CYP46A1: variants seen among roughly 807,000 people sequenced by gnomAD.
The protein encoded by CYP46A1 is cholesterol 24-hydroxylase.
CYP46A1 carries 20 observed loss-of-function variants against 63.3 expected under a neutral mutation model. The observed-to-expected ratio is 0.32, with a 90% CI of 0.22 to 0.46. The LOEUF is 0.46. CYP46A1 is among the 20% of genes least tolerant of loss of function. The pLI is 1.00. For missense variants in CYP46A1, 445 were observed against 670.8 expected (o/e 0.66, Z 3.72); for synonymous variants, 268 against 273.6 (o/e 0.98, Z 0.20).
At position 99,706,690 on chromosome 14, in the gene CYP46A1, C is replaced by A; in HGVS notation, c.487C>A (p.Gln163Lys). 5 of 1,613,980 alleles carry A rather than the reference C, an allele frequency of 3.1e-6. No individual in the cohort carries two copies. The highest frequency in any genetic ancestry group is 4.2e-6 in the Non-Finnish European group (5 of 1,180,022). Residue 163 changes from glutamine (Q) to lysine (K), a missense_variant, in exon 6 of 15, where the codon CAG becomes AAG. Physicochemically the swap from Gln to Lys is moderately conservative, Grantham distance 53. Transcript: ENST00000261835. ...LMETFNEKAE[Q>K]LVEILEAKAD... ...GGAAACATTCAACGAGAAGGCTGAG[C>A]AGCTGGTGGAGATTCTAGAAGCCAA...
intron 14 of CYP46A1, 85 bp downstream of exon 14, chr14:99,726,341 C>G: frequency 8.1e-7 from 1 of 1,229,162 alleles, no homozygotes; most frequent in Admixed American, 2.0e-5. Flanking sequence ...CTCCGAACCC[C>G]TGCTCTGGGG....
chr14:99,725,363 CA>C lies in CYP46A1; in HGVS notation c.1177-27del. On this transcript the variant is annotated intron_variant, in intron 12 of 14. Coordinates refer to ENST00000261835, the MANE Select transcript of CYP46A1 (RefSeq NM_006668.2). This position sits in a 1 kb window ranked among gnomAD's most constrained non-coding sequence, Gnocchi z 4.2. The stretch of plus-strand genomic sequence containing the variant: ...GGTGCCAGGGGAACAACCTGGGAAC[CA>C]GAGATGAGCGGACCCTTTGCCCGCA... 3 of 1,603,456 alleles carry C rather than the reference CA, an allele frequency of 1.9e-6. No individual in the cohort carries two copies. The highest frequency in any genetic ancestry group is 1.7e-4 in the Middle Eastern group (1 of 6,036).
At chr14:99,710,593 A>G (rs1372867525) in intron 7 of CYP46A1, 1 of 152,190 alleles carries the variant, frequency 6.6e-6, no homozygotes, top group Admixed American at 6.5e-5. Context: ...GTCATTATAT[A>G]ATGATAAAGG....
intron 5 of CYP46A1, among the ~76,000 whole-genome samples, chr14:99,701,301 T>TGACTCACC (rs2140120789): frequency 6.6e-6 from 1 of 152,332 alleles, no homozygotes; most frequent in African/African-American, 2.4e-5. Context: ...ACTCACTCAC[T>TGACTCACC]GACTCACCCA....
In CYP46A1 at chr14:99,726,283, C is replaced by G. The variant is rs755153741; in HGVS notation, c.1332+27C>G. ...TAGGAGGGGCAGGGCTGTGGTTCTG[C>G]CCAGGAGTAGCTGCAGGGGTGGGGG... On this transcript the variant is annotated intron_variant, in intron 14 of 14. Coordinates refer to ENST00000261835, the MANE Select transcript of CYP46A1 (RefSeq NM_006668.2). 31 of 1,609,236 alleles carry G rather than the reference C, an allele frequency of 1.9e-5. No individual in the cohort carries two copies. The Admixed American group carries it at 2.7e-4, about 14-fold the overall frequency.
At chr14:99,705,460 C>T (rs569895552) in intron 5 of CYP46A1, among the ~76,000 whole-genome samples, 1 of 152,302 alleles carries the variant, frequency 6.6e-6, no homozygotes, top group East Asian at 1.9e-4. Context: ...AATCCTCCTG[C>T]TCTCGCCTTC....
intron 9 of CYP46A1, 113 bp downstream of exon 9, chr14:99,716,312 C>A: frequency 1.8e-6 from 2 of 1,108,096 alleles, no homozygotes; most frequent in Non-Finnish European, 2.7e-6. Flanking sequence ...GCAGAGCTCA[C>A]CGCAGGGCTA....
At chr14:99,688,663 C>T (rs911874497) in intron 1 of CYP46A1, among the ~76,000 whole-genome samples, 1 of 152,162 alleles carries the variant, frequency 6.6e-6, no homozygotes, top group African/African-American at 2.4e-5. Context: ...GGAACAAAAC[C>T]TTTCCCTTCA....
intron 7 of CYP46A1, chr14:99,712,881 C>T (rs577103866): frequency 6.6e-6 from 1 of 152,188 alleles, no homozygotes; most frequent in Non-Finnish European, 1.5e-5. Flanking sequence ...CACCATACTA[C>T]CCGATTTCAA....
At chr14:99,688,338 CT>C (rs1486270269) in intron 1 of CYP46A1, among the ~76,000 whole-genome samples, 3 of 152,166 alleles carry the variant, frequency 2.0e-5, no homozygotes, top group Non-Finnish European at 4.4e-5. Flanking sequence ...GTTTATTCGC[CT>C]ACTCTCCCTT....
intron 5 of CYP46A1, among the ~76,000 whole-genome samples, chr14:99,700,711 TG>T (rs1406104956): frequency 6.6e-6 from 1 of 152,248 alleles, no homozygotes; most frequent in African/African-American, 2.4e-5. Context: ...AAATGATAAT[TG>T]ACTATGTTAC....
intron 3 of CYP46A1, chr14:99,693,760 AT>A (rs1340813525): frequency 2.0e-5 from 3 of 152,058 alleles, no homozygotes; most frequent in Non-Finnish European, 2.9e-5. Context: ...TTTGAGGGAA[AT>A]TTTTATTTTT....
chr14:99,721,438 T>G, intron 11 of CYP46A1, 115 bp downstream of exon 11: 1 of 745,788 alleles, frequency 1.3e-6, no homozygotes, highest in Admixed American at 2.1e-5. Context: ...CATAGGGTCC[T>G]CCCCCGGAAG....
At chr14:99,689,737 C>T (rs753078526) in intron 1 of CYP46A1, among the ~76,000 whole-genome samples, 4 of 152,222 alleles carry the variant, frequency 2.6e-5, no homozygotes, top group Non-Finnish European at 5.9e-5. Flanking sequence ...TCATTGCCTC[C>T]GCTGCCCTGC....
rs1350451331 is a variant in CYP46A1 at position 99,695,699 on chromosome 14, C to T, written c.283-3767C>T. 4.6e-5 allele frequency among the ~76,000 whole-genome samples: 7 copies of T among 151,412 alleles called. No homozygotes were observed. The East Asian group carries it at 5.8e-4, about 13-fold the overall frequency. On this transcript the variant is annotated intron_variant, in intron 3 of 14. Transcript: ENST00000261835. ...AAGCTAGAGTGCAATGGCGCTATCT[C>T]GGCTCACTGCAACCTCCACCTCCAG...
At position 99,706,857 on chromosome 14, in the gene CYP46A1, C is replaced by A. The variant is rs745413244; in HGVS notation, c.582+72C>A. ...TAGAGGGGTCTCTTCTCTCCCTCTTCCCTTCTCTCTTCCCCTCCCTCCTGC... is the reference window on the plus strand; with the variant it reads ...TAGAGGGGTCTCTTCTCTCCCTCTTACCTTCTCTCTTCCCCTCCCTCCTGC... On this transcript the variant is annotated intron_variant, in intron 6 of 14. Coordinates refer to ENST00000261835, the MANE Select transcript of CYP46A1 (RefSeq NM_006668.2). 1.2e-5 allele frequency: 19 copies of A among 1,535,368 alleles called. No homozygotes were observed. The African/African-American group carries it at 2.6e-4, about 21-fold the overall frequency.
At chr14:99,721,403 G>A (rs1197381390) in intron 11 of CYP46A1, 80 bp downstream of exon 11, 1 of 1,016,798 alleles carries the variant, frequency 9.8e-7, no homozygotes, top group East Asian at 2.4e-5. Flanking sequence ...GGACCTTTCA[G>A]GACAGTGGTT....
In CYP46A1 at chr14:99,716,872, A is replaced by C. The variant is rs375411214; in HGVS notation, c.907+673A>C. 5.3e-5 allele frequency among the ~76,000 whole-genome samples: 8 copies of C among 152,354 alleles called. 1 individual carries two copies. Among genetic ancestry groups the C allele is most frequent in the African/African-American group, 1.9e-4 (8 of 41,584 alleles). ...CACGAACAAATGATTGACACTGGGC[A>C]CTGGGAAGATGGAGGTGAACAAGAT... is the stretch of plus-strand genomic sequence containing the variant. On this transcript the variant is annotated intron_variant, in intron 9 of 14. Transcript: ENST00000261835.
At chr14:99,703,544 C>G (rs1412715178) in intron 5 of CYP46A1, 1 of 979,628 alleles carries the variant, frequency 1.0e-6, no homozygotes, top group Non-Finnish European at 1.2e-6. Flanking sequence ...CTGGAAACCA[C>G]TGTGCTTTTT....
Sources: gnomAD v4.1 joint callset for allele counts (sites outside exome capture counted in the v4.1 genomes callset) on GRCh38, gnomAD v4.1.1 for gene constraint, Gnocchi (gnomAD v3.1) non-coding constraint, MANE v1.5 for transcripts, NCBI Gene and HGNC (gene_info 2026-07-23, HGNC 2026-07-21) for gene names.